The following TLK2 variants were observed in gnomAD, a reference collection of about 807,000 sequenced individuals.
The protein encoded by TLK2 is tousled like kinase 2.
Under a neutral mutation model 117.3 loss-of-function variants are expected in TLK2, and 6 were observed. The ratio of observed to expected loss-of-function variants is 0.05; its 90% CI spans 0.03 to 0.10. The LOEUF (loss-of-function observed/expected upper bound fraction) is 0.10. Ranked by LOEUF, TLK2 falls within the 10% of genes least tolerant of loss-of-function variation. The pLI is 1.00. For synonymous variants in TLK2, 257 were observed against 316.7 expected, an observed-to-expected ratio of 0.81 and a Z score of 2.00; for missense variants, 299 against 901.2, an observed-to-expected ratio of 0.33 and a Z score of 8.56.
At chr17:62,592,649 C>T (rs906860581) in intron 16 of TLK2, among the ~76,000 whole-genome samples, 13 of 152,222 alleles carry the variant, frequency 8.5e-5, no homozygotes, top group East Asian at 1.9e-4. Flanking sequence ...CACCAGCGAC[C>T]GGTTTTGTGG....
chr17:62,493,131 A>G (rs1229916773), intron 2 of TLK2, among the ~76,000 whole-genome samples: 2 of 152,048 alleles, frequency 1.3e-5, no homozygotes, highest in Non-Finnish European at 2.9e-5. Flanking sequence ...AAAACCTCCC[A>G]ATAACTCCCC....
chr17:62,596,198 C>G (rs2082468391), intron 16 of TLK2, among the ~76,000 whole-genome samples: 1 of 152,186 alleles, frequency 6.6e-6, no homozygotes, highest in African/African-American at 2.4e-5. Flanking sequence ...ACCTCAGCCT[C>G]CCGAGTAGCT....
Position 62,613,345 on chromosome 17 carries a change from T to C in TLK2, c.*780T>C, listed in dbSNP as rs1369259167. ...TACTGAGATGTGTGGGTTTTTGCCA[T>C]TGGACAAAGAATGAGGTTAGAAGAC... is the stretch of plus-strand genomic sequence containing the variant. On this transcript the variant is annotated 3_prime_UTR_variant, in exon 22 of 22. Transcript: ENST00000346027. The C allele has an allele frequency of 1.3e-5, 2 of 152,638 alleles. No individual in the cohort carries two copies. Among genetic ancestry groups the C allele is most frequent in the Non-Finnish European group, 2.9e-5 (2 of 68,036 alleles). The allele number at this position is 152,638 out of a possible 1,614,324, so 9.5% of individuals were successfully genotyped here. A position where few individuals can be genotyped will look rare whatever the true frequency, so the allele number is the denominator to read the frequency against.
intron 16 of TLK2, among the ~76,000 whole-genome samples, chr17:62,587,193 A>G (rs928520320): frequency 5.9e-5 from 9 of 152,136 alleles, no homozygotes; most frequent in Admixed American, 1.3e-4. Flanking sequence ...GGTTTTGCCT[A>G]TATCTCCCCA....
In TLK2 at chr17:62,556,824, G is replaced by A. The variant is rs1397659857; in HGVS notation, c.720+3069G>A. ...CTCTCCTTTATTTCTCACATGTTAT[G>A]TCTTATTTTAATATGATTGCCCCTT... On this transcript the variant is annotated intron_variant, in intron 9 of 21. Transcript: ENST00000346027. Among the ~76,000 whole-genome samples, 4 of 152,136 alleles carry A rather than the reference G, an allele frequency of 2.6e-5. No individual in the cohort carries two copies. In the South Asian group the frequency reaches 8.3e-4, roughly 32 times the overall value.
At position 62,606,482 on chromosome 17, in the gene TLK2, T is replaced by C. The variant is rs181522056; in HGVS notation, c.1971+241T>C. ...GGCTGTTAAAAACATGCACTTTTGC[T>C]GTTCTCAATTAGATCTGGAACATGT... is the stretch of plus-strand genomic sequence containing the variant. On this transcript the variant is annotated intron_variant, in intron 20 of 21. Transcript: ENST00000346027. Among the ~76,000 whole-genome samples the C allele has an allele frequency of 1.8e-3, 278 of 152,384 alleles. 2 individuals are homozygous for C. The highest frequency in any genetic ancestry group is 3.0e-3 in the Non-Finnish European group (202 of 68,042).
intron 2 of TLK2, among the ~76,000 whole-genome samples, chr17:62,520,528 T>C (rs983648561): frequency 2.4e-4 from 37 of 151,492 alleles, no homozygotes; most frequent in African/African-American, 8.7e-4. Context: ...AATACAAAAA[T>C]CAGCTGGGCG....
intron 10 of TLK2, among the ~76,000 whole-genome samples, chr17:62,563,496 C>T (rs900372614): frequency 1.3e-5 from 2 of 152,006 alleles, no homozygotes; most frequent in African/African-American, 4.8e-5. Flanking sequence ...GGGCAGGGGA[C>T]TAATTGGAGA....
chr17:62,539,630 C>G (rs1266477348), intron 7 of TLK2, among the ~76,000 whole-genome samples: 1 of 152,136 alleles, frequency 6.6e-6, no homozygotes, highest in Non-Finnish European at 1.5e-5. Context: ...CAGGCGTTGG[C>G]TACCACGCCT....
intron 2 of TLK2, among the ~76,000 whole-genome samples, chr17:62,505,533 A>G (rs1465728184): frequency 1.3e-5 from 2 of 149,286 alleles, no homozygotes; most frequent in East Asian, 4.0e-4. Context: ...GATTACAGGC[A>G]TGAGCCACCA....
intron 10 of TLK2, among the ~76,000 whole-genome samples, chr17:62,562,048 AC>A (rs1231387481): frequency 6.6e-6 from 1 of 152,160 alleles, no homozygotes; most frequent in East Asian, 1.9e-4. Context: ...TATCTGCTAC[AC>A]CGTGATGCAA....
chr17:62,566,336 T>C (rs553053578), intron 11 of TLK2, among the ~76,000 whole-genome samples: 13 of 152,332 alleles, frequency 8.5e-5, no homozygotes, highest in East Asian at 1.9e-4. Context: ...AAGAAACTTA[T>C]GCCTGAAAGA....
At chr17:62,544,439 A>T (rs1274236250) in intron 7 of TLK2, among the ~76,000 whole-genome samples, 1 of 152,186 alleles carries the variant, frequency 6.6e-6, no homozygotes, top group Non-Finnish European at 1.5e-5. Flanking sequence ...GAACTCACTC[A>T]CTATCATGAG....
chr17:62,479,479 T>G (rs1469904469), intron 1 of TLK2, among the ~76,000 whole-genome samples, 189 bp downstream of exon 1: 1 of 151,426 alleles, frequency 6.6e-6, no homozygotes, highest in Non-Finnish European at 1.5e-5. Flanking sequence ...GGGCAGAAGA[T>G]GGGGGAGGCC....
intron 15 of TLK2, among the ~76,000 whole-genome samples, chr17:62,584,405 G>A (rs781213070): frequency 1.8e-4 from 28 of 152,094 alleles, no homozygotes; most frequent in Non-Finnish European, 3.5e-4. Flanking sequence ...GTGAGCCATC[G>A]CGCCCGGCTT....
At chr17:62,497,490 T>C (rs185908993) in intron 2 of TLK2, among the ~76,000 whole-genome samples, 2 of 152,324 alleles carry the variant, frequency 1.3e-5, no homozygotes, top group Admixed American at 6.5e-5. Context: ...TTTACTGTTA[T>C]TCCTCCCACT....
chr17:62,577,969 C>T (rs2080933012), intron 13 of TLK2, among the ~76,000 whole-genome samples: 1 of 152,142 alleles, frequency 6.6e-6, no homozygotes, highest in Non-Finnish European at 1.5e-5. Flanking sequence ...ATCACTTGGA[C>T]CTGGGAGGCG....
chr17:62,536,067 C>A, intron 6 of TLK2, 103 bp from the exon 7 acceptor site: 1 of 1,340,420 alleles, frequency 7.5e-7, no homozygotes, highest in Non-Finnish European at 1.0e-6. Context: ...TTTAAATAAA[C>A]CATTCATCTT....
chr17:62,493,104 A>G (rs2073278898), intron 2 of TLK2, among the ~76,000 whole-genome samples: 1 of 152,130 alleles, frequency 6.6e-6, no homozygotes, highest in Admixed American at 6.6e-5. Context: ...CTCAAAAAAC[A>G]AAACAATGAC....
Sources: allele counts gnomAD v4.1 joint callset (sites outside exome capture counted in the v4.1 genomes callset), GRCh38; gene constraint gnomAD v4.1.1; transcripts MANE v1.5; gene names NCBI Gene and HGNC (gene_info 2026-07-23, HGNC 2026-07-21).